SLC36A1: variants seen among roughly 807,000 people sequenced by gnomAD.
The protein encoded by SLC36A1 is solute carrier family 36 member 1.
In SLC36A1, 30 loss-of-function variants were observed where a neutral mutation model predicts 47.5. That is an observed-to-expected ratio of 0.63 (90% CI 0.47 to 0.86). The LOEUF (loss-of-function observed/expected upper bound fraction) is 0.86, where lower values mean the gene tolerates loss of function less well. Among genes scored for constraint, SLC36A1 ranks in the 40% least tolerant of loss-of-function variants. The probability of loss-of-function intolerance (pLI) is 0.00; values close to 1 mark genes in which losing one functional copy is unlikely to be tolerated. For missense variants in SLC36A1, 517 were observed against 606.0 expected, an observed-to-expected ratio of 0.85 and a Z score of 1.54; for synonymous variants, 255 against 249.7, an observed-to-expected ratio of 1.02 and a Z score of -0.20.
At chr5:151,532,521 A>G in the SLC36A1 span, among the ~76,000 whole-genome samples, 1 of 152,194 alleles carries the variant, frequency 6.6e-6, no homozygotes, top group Non-Finnish European at 1.5e-5. Flanking sequence ...ATATTATCCT[A>G]CTGCTATGTA....
At chr5:151,507,639 A>G in the SLC36A1 span, 273,289 of 1,562,782 alleles carry the variant, frequency 0.17, 25,099 homozygotes, top group Middle Eastern at 0.21. Flanking sequence ...TCAGGGGGCC[A>G]AGTCATGAAA....
At chr5:151,433,602 T>C (rs1759589526), upstream of SLC36A1, among the ~76,000 whole-genome samples, 1 of 151,756 alleles carries the variant, frequency 6.6e-6, no homozygotes, top group Non-Finnish European at 1.5e-5. Flanking sequence ...GAATAACATA[T>C]TTTAAAAAAA....
At chr5:151,481,539 G>A (rs1561781820) in intron 10 of SLC36A1, among the ~76,000 whole-genome samples, 1 of 151,952 alleles carries the variant, frequency 6.6e-6, no homozygotes, top group Non-Finnish European at 1.5e-5. Context: ...TTTAACAGCA[G>A]CTTCTTTTAT....
At chr5:151,509,602 A>G in the SLC36A1 span, 1 of 180,444 alleles carries the variant, frequency 5.5e-6, no homozygotes, top group Admixed American at 5.5e-5. Context: ...TAAGGAGCAT[A>G]TATCTAATGC....
chr5:151,542,674 T>C, the SLC36A1 span: 5 of 1,614,216 alleles, frequency 3.1e-6, no homozygotes, highest in Non-Finnish European at 4.2e-6. Flanking sequence ...GGCAGTCACT[T>C]GAATGACTGA....
chr5:151,545,837 C>T, the SLC36A1 span: 1 of 1,614,090 alleles, frequency 6.2e-7, no homozygotes, highest in African/African-American at 1.3e-5. Flanking sequence ...ATTTGGCCCA[C>T]AAAAGTTGAC....
the SLC36A1 span, among the ~76,000 whole-genome samples, chr5:151,524,336 T>C: frequency 6.6e-6 from 1 of 152,244 alleles, no homozygotes; most frequent in South Asian, 2.1e-4. Flanking sequence ...ACTCTATGTT[T>C]GTGTCCCCTC....
the SLC36A1 span, among the ~76,000 whole-genome samples, chr5:151,409,418 A>C: frequency 1.3e-5 from 2 of 152,180 alleles, no homozygotes; most frequent in Non-Finnish European, 2.9e-5. Flanking sequence ...TTGACTATCA[A>C]AAAGAAGAAA....
At chr5:151,502,604 G>A in the SLC36A1 span, among the ~76,000 whole-genome samples, 2 of 148,008 alleles carry the variant, frequency 1.4e-5, no homozygotes, top group East Asian at 1.9e-4. Flanking sequence ...GTGAGATACC[G>A]CACCGCACAC....
At chr5:151,520,822 T>A in the SLC36A1 span, among the ~76,000 whole-genome samples, 4 of 152,228 alleles carry the variant, frequency 2.6e-5, no homozygotes, top group Non-Finnish European at 5.9e-5. Flanking sequence ...ATAGTAGCAG[T>A]ATTAGTAACT....
At chr5:151,393,259 T>A in the SLC36A1 span, among the ~76,000 whole-genome samples, 2 of 151,922 alleles carry the variant, frequency 1.3e-5, no homozygotes, top group African/African-American at 2.4e-5. Context: ...TGCTTGGTAG[T>A]TCTTCCTCCA....
Position 151,447,622 on chromosome 5 carries a change from C to G in SLC36A1, c.-197C>G, listed in dbSNP as rs532859082. On this transcript the variant is annotated 5_prime_UTR_variant, in exon 1 of 11. Coordinates refer to ENST00000243389, the MANE Select transcript of SLC36A1 (RefSeq NM_078483.4). The stretch of plus-strand genomic sequence containing the variant: ...CGTGATGAGGTCCGGAAGCGGCTGC[C>G]GGGCAGCAAAGGAGGATGGCGAGGG... 1 of 152,514 alleles carries G rather than the reference C, an allele frequency of 6.6e-6. No individual in the cohort carries two copies. Among genetic ancestry groups the G allele is most frequent in the Non-Finnish European group, 1.5e-5 (1 of 68,316 alleles). 9.4% of individuals were successfully genotyped at this position (152,514 alleles called of 1,614,324 possible).
At chr5:151,348,085 C>A in the SLC36A1 span, among the ~76,000 whole-genome samples, 1 of 152,176 alleles carries the variant, frequency 6.6e-6, no homozygotes, top group African/African-American at 2.4e-5. Context: ...TCTTGCAGCA[C>A]CCCATTCTTA....
At chr5:151,537,863 A>G in the SLC36A1 span, 1 of 1,614,234 alleles carries the variant, frequency 6.2e-7, no homozygotes, top group Non-Finnish European at 8.5e-7. Context: ...GAGCATTGGT[A>G]TCAGTGTCCA....
the SLC36A1 span, among the ~76,000 whole-genome samples, chr5:151,534,968 AAAATATAT>A: frequency 1.9e-5 from 1 of 52,712 alleles, no homozygotes; most frequent in Non-Finnish European, 3.4e-5. Context: ...CACTTCTAGG[AAAATATAT>A]ATATATATAT....
the SLC36A1 span, chr5:151,506,054 C>T: frequency 2.6e-6 from 4 of 1,554,782 alleles, no homozygotes; most frequent in Non-Finnish European, 2.6e-6. Context: ...AGCGTTCGTT[C>T]CTGGAGTAAG....
chr5:151,461,242 G>T (rs562027487), intron 2 of SLC36A1, among the ~76,000 whole-genome samples: 23 of 149,964 alleles, frequency 1.5e-4, no homozygotes, highest in African/African-American at 5.4e-4. Flanking sequence ...CGCCTGCCTC[G>T]GCCTCCCAAA....
At chr5:151,542,296 C>T in the SLC36A1 span, 1 of 1,597,930 alleles carries the variant, frequency 6.3e-7, no homozygotes, top group South Asian at 1.1e-5. Flanking sequence ...TGTGATGTAG[C>T]AGGTGACCTG....
chr5:151,405,617 G>A, the SLC36A1 span, among the ~76,000 whole-genome samples: 1 of 149,764 alleles, frequency 6.7e-6, no homozygotes, highest in Non-Finnish European at 1.5e-5. Flanking sequence ...AACCTTTAGA[G>A]ATAAGAAAAC....
Sources: allele counts gnomAD v4.1 joint callset (sites outside exome capture counted in the v4.1 genomes callset), GRCh38; gene constraint gnomAD v4.1.1; transcripts MANE v1.5; gene names NCBI Gene and HGNC (gene_info 2026-07-23, HGNC 2026-07-21).